The following R3HDM2 variants were observed in gnomAD, a reference collection of about 807,000 sequenced individuals.
R3HDM2 encodes R3H domain-containing protein 2.
In R3HDM2, 38 loss-of-function variants were observed where a neutral mutation model predicts 124.5. That is an observed-to-expected ratio of 0.31 (90% CI 0.24 to 0.40). The LOEUF (loss-of-function observed/expected upper bound fraction) is 0.40. R3HDM2 is among the 10% of genes least tolerant of loss of function. The pLI, the probability that R3HDM2 is intolerant of heterozygous loss-of-function variation, is 1.00. For synonymous variants in R3HDM2, 391 were observed against 448.0 expected, an observed-to-expected ratio of 0.87 and a Z score of 1.61; for missense variants, 869 against 1,236.9, an observed-to-expected ratio of 0.70 and a Z score of 4.46.
At chr12:57,289,847 C>T (rs959648060) in intron 11 of R3HDM2, among the ~76,000 whole-genome samples, 2 of 152,188 alleles carry the variant, frequency 1.3e-5, no homozygotes, top group African/African-American at 2.4e-5. Context: ...TTTTGGCCTG[C>T]CTCCTGCTCC....
rs372178444 is a variant in R3HDM2, at chr12:57,407,092, C to G, written c.-105-11274G>C. Among the ~76,000 whole-genome samples, 27 of 151,664 alleles carry G rather than the reference C, an allele frequency of 1.8e-4. No homozygotes were observed. The East Asian group carries it at 5.1e-3, about 29-fold the overall frequency. On this transcript the variant is annotated intron_variant, in intron 1 of 23. Coordinates refer to ENST00000402412, the MANE Select transcript of R3HDM2 (RefSeq NM_001394031.1). ...GGTGAAACCCCATCTCTACTAAAAACACAAAAAATTAGCTGGGCATGGTGA... is the reference window on the plus strand; with the variant it reads ...GGTGAAACCCCATCTCTACTAAAAAGACAAAAAATTAGCTGGGCATGGTGA...
intron 2 of R3HDM2, among the ~76,000 whole-genome samples, chr12:57,390,256 T>C (rs533957829): frequency 7.2e-5 from 11 of 152,050 alleles, no homozygotes; most frequent in East Asian, 3.9e-4. Context: ...CAGTGAACGA[T>C]AGTGATTCCT....
In R3HDM2 at chr12:57,296,697, G is replaced by A; in HGVS notation, c.561-146C>T. The A allele has an allele frequency of 1.2e-6, 1 of 841,870 alleles. No homozygotes were observed. The highest frequency in any genetic ancestry group is 1.8e-6 in the Non-Finnish European group (1 of 561,672). The allele number at this position is 841,870 out of a possible 1,614,324, so 52.2% of individuals were successfully genotyped here. A position where few individuals can be genotyped will look rare whatever the true frequency, so the allele number is the denominator to read the frequency against. ...AAGGAATATAGATATTTACTAAATGGGAACCAAATAGGTTTTTCTCAGTTT... is the reference window on the plus strand; with the variant it reads ...AAGGAATATAGATATTTACTAAATGAGAACCAAATAGGTTTTTCTCAGTTT... On this transcript the variant is annotated intron_variant, in intron 8 of 23. Coordinates refer to ENST00000402412, the MANE Select transcript of R3HDM2 (RefSeq NM_001394031.1). This position sits in a 1 kb window ranked among gnomAD's most constrained non-coding sequence, Gnocchi z 4.5.
At chr12:57,348,704 AAAAAAAAAAAAAAAAAAGAG>A (rs2060311039) in intron 2 of R3HDM2, among the ~76,000 whole-genome samples, 1 of 43,766 alleles carries the variant, frequency 2.3e-5, no homozygotes, top group Admixed American at 2.2e-4. Context: ...AAAAAAAAAA[AAAAAAAAAAAAAAAAAAGAG>A]AGAGAAAAAT....
At chr12:57,338,829 G>C (rs1022374497) in intron 2 of R3HDM2, among the ~76,000 whole-genome samples, 1 of 151,580 alleles carries the variant, frequency 6.6e-6, no homozygotes, top group African/African-American at 2.4e-5. Flanking sequence ...AAGGGAGAGA[G>C]AGAGAGAGAG....
intron 2 of R3HDM2, among the ~76,000 whole-genome samples, chr12:57,320,104 C>G (rs1460063184): frequency 6.6e-6 from 1 of 150,888 alleles, no homozygotes. Context: ...ACTAAAAATA[C>G]AAAAAATTAG....
intron 2 of R3HDM2, among the ~76,000 whole-genome samples, chr12:57,383,172 T>C (rs1011483069): frequency 2.0e-5 from 3 of 152,058 alleles, no homozygotes; most frequent in African/African-American, 7.2e-5. Context: ...ATTTTTTTAT[T>C]AGCCGAATGT....
At chr12:57,305,011 CTG>C (rs911616253) in intron 3 of R3HDM2, among the ~76,000 whole-genome samples, 2 of 152,250 alleles carry the variant, frequency 1.3e-5, no homozygotes, top group African/African-American at 4.8e-5. Context: ...TGGCAAAACC[CTG>C]TCTCTACTAA....
At position 57,408,344 on chromosome 12, in the gene R3HDM2, G is replaced by C. The variant is rs373070766; in HGVS notation, c.-105-12526C>G. 1.8e-4 allele frequency among the ~76,000 whole-genome samples: 27 copies of C among 152,280 alleles called. No homozygotes were observed. The South Asian group carries it at 5.4e-3, about 30-fold the overall frequency. On this transcript the variant is annotated intron_variant, in intron 1 of 23. Coordinates refer to ENST00000402412, the MANE Select transcript of R3HDM2 (RefSeq NM_001394031.1). ...GGACTCCCAAAGTGCCAGGATTATA[G>C]GCATGAGCCACCGCACCTGCAATTC...
intron 19 of R3HDM2, among the ~76,000 whole-genome samples, chr12:57,265,248 T>C (rs1017239002): frequency 1.3e-5 from 2 of 152,218 alleles, no homozygotes; most frequent in Non-Finnish European, 2.9e-5. Context: ...ATTGTGACTT[T>C]AGGCAAGTCA....
chr12:57,266,403 A>G (rs565228842), intron 19 of R3HDM2, among the ~76,000 whole-genome samples: 1 of 149,616 alleles, frequency 6.7e-6, no homozygotes, highest in Admixed American at 6.6e-5. Context: ...GCCTTTTAAA[A>G]AAGTTTTTTT....
chr12:57,304,877 G>T (rs2052203100), intron 3 of R3HDM2, among the ~76,000 whole-genome samples: 2 of 152,110 alleles, frequency 1.3e-5, no homozygotes, highest in African/African-American at 4.8e-5. Context: ...TGTATACAAA[G>T]GTTTTTTTAA....
intron 1 of R3HDM2, among the ~76,000 whole-genome samples, chr12:57,424,759 T>C (rs949486455): frequency 2.0e-5 from 3 of 152,212 alleles, no homozygotes; most frequent in East Asian, 1.9e-4. Flanking sequence ...GGCCAGAGTA[T>C]GGTGGCACAA....
chr12:57,299,624 C>A, intron 5 of R3HDM2, 146 bp from the exon 6 acceptor site: 1 of 927,284 alleles, frequency 1.1e-6, no homozygotes. Flanking sequence ...TTTTAGTTTT[C>A]TTCTATCAAG....
rs1275172384 is a variant in R3HDM2, at chr12:57,361,667, T to G, written c.-36+34082A>C. Among the ~76,000 whole-genome samples, 4 of 151,588 alleles carry G rather than the reference T, an allele frequency of 2.6e-5. No homozygotes were observed. The East Asian group carries it at 7.8e-4, about 29-fold the overall frequency. On this transcript the variant is annotated intron_variant, in intron 2 of 23. Transcript: ENST00000402412. ...GTGCCATTATACACTCCAGCCTGGGTGACAAAGTGAGACTGTCTCCAAAAA... is the reference window on the plus strand; with the variant it reads ...GTGCCATTATACACTCCAGCCTGGGGGACAAAGTGAGACTGTCTCCAAAAA...
At chr12:57,298,924 C>T (rs916577748) in intron 6 of R3HDM2, among the ~76,000 whole-genome samples, 3 of 152,104 alleles carry the variant, frequency 2.0e-5, no homozygotes, top group East Asian at 1.9e-4. Flanking sequence ...GATCGTGCCA[C>T]TGCACTCCAG....
chr12:57,372,298 G>A (rs2063480738), intron 2 of R3HDM2, among the ~76,000 whole-genome samples: 2 of 152,104 alleles, frequency 1.3e-5, no homozygotes, highest in South Asian at 4.1e-4. Flanking sequence ...AAAAAACATA[G>A]TGCTCCATTC....
rs376410858 is a variant in R3HDM2 at position 57,269,048 on chromosome 12, C to T, written c.1749G>A (p.Ala583=). Residue 583 remains alanine (A), a synonymous_variant, in exon 17 of 24, where the codon GCG becomes GCA. Coordinates refer to ENST00000402412, the MANE Select transcript of R3HDM2 (RefSeq NM_001394031.1). ...GGACCCCAATCATGCCTTGGTAAGC[C>T]GCCTGCTGCTGGTTAGGCATCATGG... ...LQPMMPNQQQ[A]AYQGMIGVQQ... 115 of 1,614,082 alleles carry T rather than the reference C, an allele frequency of 7.1e-5. No individual in the cohort carries two copies. The highest frequency in any genetic ancestry group is 3.3e-4 in the Middle Eastern group (2 of 6,084).
At chr12:57,277,355 A>G (rs2045075388) in intron 14 of R3HDM2, among the ~76,000 whole-genome samples, 1 of 152,122 alleles carries the variant, frequency 6.6e-6, no homozygotes. Context: ...CAGGAAGGGA[A>G]AGATCATAGT....
Sources: allele counts gnomAD v4.1 joint callset (sites outside exome capture counted in the v4.1 genomes callset), GRCh38; gene constraint gnomAD v4.1.1; non-coding constraint Gnocchi (gnomAD v3.1); transcripts MANE v1.5; gene names NCBI Gene and HGNC (gene_info 2026-07-23, HGNC 2026-07-21).